The following CTNND2 variants were observed in gnomAD, a reference collection of about 807,000 sequenced individuals.
The protein encoded by CTNND2 is catenin delta 2, also known as catenin delta-2.
In CTNND2, 22 loss-of-function variants were observed where a neutral mutation model predicts 144.4. The observed-to-expected ratio is 0.15, with a 90% CI of 0.11 to 0.22. The LOEUF is 0.22. Among genes scored for constraint, CTNND2 ranks in the 10% least tolerant of loss-of-function variants. CTNND2 has a pLI of 1.00. For synonymous variants in CTNND2, 751 were observed against 695.6 expected, an observed-to-expected ratio of 1.08 and a Z score of -1.25; for missense variants, 1,353 against 1,618.8, an observed-to-expected ratio of 0.84 and a Z score of 2.82.
chr5:11,277,840 C>T (rs775890586), intron 9 of CTNND2, among the ~76,000 whole-genome samples: 41 of 152,054 alleles, frequency 2.7e-4, no homozygotes, highest in Non-Finnish European at 4.6e-4. Context: ...CTGCTTTAGG[C>T]TTTTATGCTG....
At chr5:11,414,850 C>A (rs1330029121) in intron 3 of CTNND2, among the ~76,000 whole-genome samples, 2 of 152,158 alleles carry the variant, frequency 1.3e-5, no homozygotes, top group Non-Finnish European at 2.9e-5. Context: ...AACATGCAGT[C>A]TTTGGTTTTC....
chr5:11,639,662 C>A (rs952254554), intron 2 of CTNND2, among the ~76,000 whole-genome samples: 1 of 152,156 alleles, frequency 6.6e-6, no homozygotes, highest in Non-Finnish European at 1.5e-5. Context: ...GAGGCTAATG[C>A]ATCTTAAGAA....
intron 13 of CTNND2, among the ~76,000 whole-genome samples, chr5:11,112,862 G>A (rs184734067): frequency 6.6e-6 from 1 of 152,308 alleles, no homozygotes; most frequent in East Asian, 1.9e-4. Flanking sequence ...TCATGTACAG[G>A]CTGGGCGCGG....
At position 11,142,859 on chromosome 5, in the gene CTNND2, G is replaced by A. The variant is rs553557153; in HGVS notation, c.2159+16717C>T. Among the ~76,000 whole-genome samples the A allele has an allele frequency of 1.7e-4, 26 of 152,146 alleles. No individual in the cohort carries two copies. The South Asian group carries it at 4.6e-3, about 27-fold the overall frequency. On this transcript the variant is annotated intron_variant, in intron 12 of 21. Coordinates refer to ENST00000304623, the MANE Select transcript of CTNND2 (RefSeq NM_001332.4). ...GATCTCCTGACCTCGTGATCCGCCC[G>A]TCTCGGCCTCCCAAAGTGCTGGGAT...
chr5:11,800,905 A>G (rs532954831), intron 1 of CTNND2, among the ~76,000 whole-genome samples: 23 of 152,314 alleles, frequency 1.5e-4, no homozygotes, highest in African/African-American at 4.6e-4. Context: ...TTACTTTCAG[A>G]AAATACTGTT....
intron 3 of CTNND2, among the ~76,000 whole-genome samples, chr5:11,551,768 T>G (rs2150085497): frequency 6.6e-6 from 1 of 152,226 alleles, no homozygotes; most frequent in South Asian, 2.1e-4. Context: ...CCAGCTAATT[T>G]TTTTGTATTT....
intron 1 of CTNND2, among the ~76,000 whole-genome samples, chr5:11,778,948 TC>T (rs1472389856): frequency 2.6e-5 from 4 of 152,138 alleles, no homozygotes; most frequent in Non-Finnish European, 5.9e-5. Context: ...CTTTTAAAAA[TC>T]CCCCAAAATC....
chr5:11,191,813 T>C (rs923201502), intron 11 of CTNND2, among the ~76,000 whole-genome samples: 4 of 152,170 alleles, frequency 2.6e-5, no homozygotes, highest in African/African-American at 7.2e-5. Context: ...TGTGGCAGAT[T>C]TGCAGCCAGC....
chr5:11,330,866 G>A (rs375323425), intron 9 of CTNND2, among the ~76,000 whole-genome samples: 3 of 151,666 alleles, frequency 2.0e-5, no homozygotes, highest in Admixed American at 1.3e-4. Context: ...GTGAGCCTAA[G>A]TGTATGGACA....
intron 16 of CTNND2, among the ~76,000 whole-genome samples, chr5:11,039,571 G>C (rs1481408049): frequency 6.6e-6 from 1 of 152,028 alleles, no homozygotes; most frequent in African/African-American, 2.4e-5. Flanking sequence ...TTTAAAAAAT[G>C]AATCTTCTTT....
intron 2 of CTNND2, among the ~76,000 whole-genome samples, chr5:11,640,071 T>A (rs1381408597): frequency 1.3e-5 from 2 of 152,204 alleles, no homozygotes; most frequent in African/African-American, 4.8e-5. Context: ...AGAACAAAGC[T>A]TATGACTGGA....
chr5:11,525,210 G>A (rs1773131140), intron 3 of CTNND2, among the ~76,000 whole-genome samples: 1 of 152,058 alleles, frequency 6.6e-6, no homozygotes, highest in Non-Finnish European at 1.5e-5. Flanking sequence ...TATCAAAGGA[G>A]ATTTTTCATC....
chr5:11,179,217 CAGG>C (rs780895980), intron 11 of CTNND2, among the ~76,000 whole-genome samples: 21 of 151,952 alleles, frequency 1.4e-4, no homozygotes, highest in Non-Finnish European at 2.6e-4. Context: ...CGCTTGAACC[CAGG>C]AGATGGAGGT....
chr5:11,774,917 G>A (rs573300925), intron 1 of CTNND2, among the ~76,000 whole-genome samples: 90 of 152,208 alleles, frequency 5.9e-4, no homozygotes, highest in East Asian at 1.9e-4. Context: ...ATACAACACC[G>A]TTCAGCTGGA....
chr5:11,390,900 C>A (rs925413170), intron 6 of CTNND2, among the ~76,000 whole-genome samples: 7 of 152,150 alleles, frequency 4.6e-5, no homozygotes, highest in Admixed American at 4.6e-4. Context: ...CACCTAAGGT[C>A]ACCACAGGGA....
chr5:11,008,363 T>C (rs113518426), intron 18 of CTNND2, among the ~76,000 whole-genome samples: 2 of 152,006 alleles, frequency 1.3e-5, no homozygotes, highest in South Asian at 2.1e-4. Context: ...TAAGAGAGAT[T>C]TGGGGGGTCA....
chr5:11,090,459 G>A (rs1004306410), intron 15 of CTNND2, among the ~76,000 whole-genome samples: 2 of 152,236 alleles, frequency 1.3e-5, no homozygotes, highest in Admixed American at 1.3e-4. Context: ...CAGGAGTTGA[G>A]TGGTAGGTGA....
chr5:11,353,775 C>G (rs1755585873), intron 8 of CTNND2, among the ~76,000 whole-genome samples: 1 of 151,500 alleles, frequency 6.6e-6, no homozygotes, highest in Admixed American at 6.6e-5. Context: ...CGCATTCTGG[C>G]CTGGGCGACA....
At chr5:11,482,368 C>G (rs1768360861) in intron 3 of CTNND2, among the ~76,000 whole-genome samples, 1 of 152,092 alleles carries the variant, frequency 6.6e-6, no homozygotes, top group Non-Finnish European at 1.5e-5. Context: ...GAACTCTTCC[C>G]CAGAAATATT....
Sources: gnomAD v4.1 joint callset for allele counts (sites outside exome capture counted in the v4.1 genomes callset) on GRCh38, gnomAD v4.1.1 for gene constraint, MANE v1.5 for transcripts, NCBI Gene and HGNC (gene_info 2026-07-23, HGNC 2026-07-21) for gene names.